AKAP6: variants seen among roughly 807,000 people sequenced by gnomAD.
AKAP6 encodes A-kinase anchoring protein 6.
AKAP6 carries 58 observed loss-of-function variants against 188.5 expected under a neutral mutation model. The observed-to-expected ratio is 0.31, with a 90% CI of 0.25 to 0.38. AKAP6 has a LOEUF of 0.38. Ranked by LOEUF, AKAP6 falls within the 10% of genes least tolerant of loss-of-function variation. The pLI, the probability that AKAP6 is intolerant of heterozygous loss-of-function variation, is 1.00. For synonymous variants in AKAP6, 989 were observed against 998.6 expected (o/e 0.99, Z 0.18); for missense variants, 2,710 against 2,740.0 (o/e 0.99, Z 0.24).
intron 2 of AKAP6, among the ~76,000 whole-genome samples, chr14:32,477,493 C>T (rs117633822): frequency 0.011 from 1,735 of 152,168 alleles, 15 homozygotes; most frequent in East Asian, 0.026. Context: ...GATTGGGGTT[C>T]GCAGTTCTCC....
At chr14:32,635,506 C>A (rs1329183908) in intron 7 of AKAP6, among the ~76,000 whole-genome samples, 1 of 152,060 alleles carries the variant, frequency 6.6e-6, no homozygotes, top group East Asian at 1.9e-4. Flanking sequence ...GAAAGTACTA[C>A]CCTCAACAGA....
chr14:32,541,099 A>G (rs1417576207), intron 3 of AKAP6, among the ~76,000 whole-genome samples: 9 of 152,014 alleles, frequency 5.9e-5, no homozygotes, highest in Non-Finnish European at 1.0e-4. Context: ...TTATTACCCC[A>G]CAAGTGATAA....
intron 1 of AKAP6, among the ~76,000 whole-genome samples, chr14:32,385,872 TATATC>T (rs1051970448): frequency 2.7e-5 from 4 of 149,368 alleles, no homozygotes; most frequent in East Asian, 1.9e-4. Context: ...ATCTTACACA[TATATC>T]ATATATATCA....
intron 1 of AKAP6, among the ~76,000 whole-genome samples, chr14:32,357,949 A>G (rs1039177732): frequency 4.6e-5 from 7 of 152,218 alleles, no homozygotes; most frequent in African/African-American, 1.7e-4. Context: ...TGTTCAAATG[A>G]TAGTGAAGGT....
At chr14:32,371,916 T>C (rs1263428420) in intron 1 of AKAP6, among the ~76,000 whole-genome samples, 1 of 152,172 alleles carries the variant, frequency 6.6e-6, no homozygotes, top group Non-Finnish European at 1.5e-5. Context: ...TAGTACTCTT[T>C]CACTCCTATT....
At chr14:32,605,669 A>G (rs1594777478) in intron 7 of AKAP6, among the ~76,000 whole-genome samples, 1 of 152,296 alleles carries the variant, frequency 6.6e-6, no homozygotes, top group Middle Eastern at 3.4e-3. Context: ...TAAAAGCTGG[A>G]TTTGGCTTCT....
chr14:32,728,918 G>T (rs2031028541), intron 9 of AKAP6, among the ~76,000 whole-genome samples: 1 of 152,086 alleles, frequency 6.6e-6, no homozygotes, highest in Non-Finnish European at 1.5e-5. Flanking sequence ...TTTTGCTTAG[G>T]TGGAAGCCAT....
intron 9 of AKAP6, among the ~76,000 whole-genome samples, chr14:32,717,547 C>T (rs552901002): frequency 6.6e-6 from 1 of 151,996 alleles, no homozygotes; most frequent in South Asian, 2.1e-4. Context: ...GCATCTCCAT[C>T]ATTACATTCT....
chr14:32,618,026 A>C (rs561694369), intron 7 of AKAP6, among the ~76,000 whole-genome samples: 151 of 152,248 alleles, frequency 9.9e-4, no homozygotes, highest in African/African-American at 3.6e-3. Flanking sequence ...GATTTAATTA[A>C]ATTTCATTAT....
intron 2 of AKAP6, among the ~76,000 whole-genome samples, chr14:32,485,408 A>G (rs540738669): frequency 1.3e-5 from 2 of 152,242 alleles, no homozygotes; most frequent in South Asian, 4.1e-4. Context: ...ACAATGGTTG[A>G]AATAATTTAC....
chr14:32,740,179 AG>A (rs1236360420), intron 11 of AKAP6, among the ~76,000 whole-genome samples: 1 of 152,050 alleles, frequency 6.6e-6, no homozygotes, highest in Non-Finnish European at 1.5e-5. Flanking sequence ...TCTTCTTTTG[AG>A]AAATGGCTAT....
intron 2 of AKAP6, among the ~76,000 whole-genome samples, chr14:32,479,501 T>C (rs1879232484): frequency 6.6e-6 from 1 of 152,204 alleles, no homozygotes; most frequent in African/African-American, 2.4e-5. Context: ...TTCTTTAACT[T>C]AATATTATTT....
At chr14:32,656,649 T>C (rs1311165016) in intron 7 of AKAP6, among the ~76,000 whole-genome samples, 1 of 152,144 alleles carries the variant, frequency 6.6e-6, no homozygotes, top group Non-Finnish European at 1.5e-5. Flanking sequence ...GAGCAATCTT[T>C]CGCTCATAGG....
Position 32,577,255 on chromosome 14 carries a change from G to T in AKAP6, c.2469+13G>T, listed in dbSNP as rs1884768698. ...GGAGACACACTTGGTAGGCAAGATT[G>T]TGTTGTTCTTGCTGTCAATAATCAA... On this transcript the variant is annotated intron_variant, in intron 5 of 13. Coordinates refer to ENST00000280979, the MANE Select transcript of AKAP6 (RefSeq NM_004274.5). 1 of 1,606,336 alleles carries T rather than the reference G, an allele frequency of 6.2e-7. No individual in the cohort carries two copies. The highest frequency in any genetic ancestry group is 8.5e-7 in the Non-Finnish European group (1 of 1,177,706).
chr14:32,379,199 T>C (rs556372203), intron 1 of AKAP6, among the ~76,000 whole-genome samples: 42 of 152,186 alleles, frequency 2.8e-4, no homozygotes, highest in South Asian at 4.1e-4. Flanking sequence ...AGATTACAGG[T>C]GTGAGCCACT....
At chr14:32,719,270 C>T (rs1253335588) in intron 9 of AKAP6, among the ~76,000 whole-genome samples, 3 of 152,198 alleles carry the variant, frequency 2.0e-5, no homozygotes, top group Non-Finnish European at 4.4e-5. Flanking sequence ...TTAACACCTA[C>T]CATCGCATGG....
intron 1 of AKAP6, among the ~76,000 whole-genome samples, chr14:32,414,443 A>C (rs1472752723): frequency 6.6e-6 from 1 of 152,172 alleles, no homozygotes; most frequent in African/African-American, 2.4e-5. Flanking sequence ...ATTTTCTTAA[A>C]GTACTTTGCA....
intron 12 of AKAP6, among the ~76,000 whole-genome samples, chr14:32,814,460 A>C (rs2034326402): frequency 6.6e-6 from 1 of 152,108 alleles, no homozygotes; most frequent in African/African-American, 2.4e-5. Flanking sequence ...ATCTCTGCAG[A>C]TTTACCTATT....
intron 7 of AKAP6, among the ~76,000 whole-genome samples, chr14:32,621,150 G>C (rs1366250519): frequency 6.6e-6 from 1 of 151,586 alleles, no homozygotes; most frequent in Non-Finnish European, 1.5e-5. Flanking sequence ...TTGGTGTTTT[G>C]TGTTTTTTCT....
Sources: gnomAD v4.1 joint callset for allele counts (sites outside exome capture counted in the v4.1 genomes callset) on GRCh38, gnomAD v4.1.1 for gene constraint, MANE v1.5 for transcripts, NCBI Gene and HGNC (gene_info 2026-07-23, HGNC 2026-07-21) for gene names.